Variants in BLTP1 observed in about 807,000 individuals in gnomAD.
BLTP1 encodes fragile site-associated protein.
the BLTP1 span, among the ~76,000 whole-genome samples, chr4:122,359,126 T>C: frequency 3.3e-5 from 5 of 150,940 alleles, no homozygotes; most frequent in Admixed American, 6.6e-5. Context: ...TTAGGAGATA[T>C]ACCTAATGCT....
At chr4:122,249,832 G>T in the BLTP1 span, 19 of 1,398,500 alleles carry the variant, frequency 1.4e-5, no homozygotes, top group South Asian at 2.9e-4. Context: ...GGGGGTGAGT[G>T]CCTCATACCA....
chr4:122,328,074 C>G, the BLTP1 span: 1 of 1,449,326 alleles, frequency 6.9e-7, no homozygotes, highest in Non-Finnish European at 9.2e-7. Context: ...AAATATGAAT[C>G]TGATTCATGT....
At chr4:122,235,688 C>T in the BLTP1 span, 1 of 154,022 alleles carries the variant, frequency 6.5e-6, no homozygotes, top group Non-Finnish European at 1.4e-5. Context: ...GCCTGTAGTC[C>T]CAGCTACTCG....
the BLTP1 span, among the ~76,000 whole-genome samples, chr4:122,156,917 A>G: frequency 2.6e-5 from 4 of 152,172 alleles, no homozygotes; most frequent in African/African-American, 7.2e-5. Context: ...ATTACAGATA[A>G]ATTTGTAGGA....
At chr4:122,355,004 A>T in the BLTP1 span, among the ~76,000 whole-genome samples, 1 of 152,118 alleles carries the variant, frequency 6.6e-6, no homozygotes, top group East Asian at 1.9e-4. Flanking sequence ...ATTAGGCCCC[A>T]TGAGAACAGT....
the BLTP1 span, among the ~76,000 whole-genome samples, chr4:122,156,590 T>C: frequency 6.6e-6 from 1 of 152,222 alleles, no homozygotes; most frequent in Non-Finnish European, 1.5e-5. Context: ...GCAAGAGACA[T>C]GGATGTTGAA....
At chr4:122,214,702 G>A in the BLTP1 span, 1 of 188,768 alleles carries the variant, frequency 5.3e-6, no homozygotes, top group African/African-American at 2.9e-5. Context: ...CTGCAGCCTC[G>A]ACTTCCTGGG....
chr4:122,178,011 T>C, the BLTP1 span: 2 of 593,226 alleles, frequency 3.4e-6, no homozygotes, highest in Non-Finnish European at 2.1e-6. Context: ...AGAAAAATGC[T>C]TAGTACATAG....
the BLTP1 span, among the ~76,000 whole-genome samples, chr4:122,342,617 G>A: frequency 6.6e-6 from 1 of 152,290 alleles, no homozygotes; most frequent in East Asian, 1.9e-4. Flanking sequence ...GCCTCCCAGA[G>A]TGCTGGGATT....
chr4:122,330,210 A>G, the BLTP1 span, among the ~76,000 whole-genome samples: 1 of 151,768 alleles, frequency 6.6e-6, no homozygotes, highest in Non-Finnish European at 1.5e-5. Context: ...TATCTCTTTG[A>G]GATCCCGATT....
chr4:122,262,780 A>G, the BLTP1 span: 2 of 1,601,754 alleles, frequency 1.2e-6, no homozygotes, highest in Non-Finnish European at 8.5e-7. Context: ...CACCCATATC[A>G]TTCTCTGAGC....
chr4:122,312,812 A>C, the BLTP1 span: 2 of 798,164 alleles, frequency 2.5e-6, no homozygotes, highest in Non-Finnish European at 3.0e-6. Flanking sequence ...GCTCAAATTT[A>C]AGTAACATTT....
the BLTP1 span, among the ~76,000 whole-genome samples, chr4:122,240,775 A>C: frequency 6.6e-6 from 1 of 152,228 alleles, no homozygotes; most frequent in African/African-American, 2.4e-5. Context: ...TTCAGTATGA[A>C]TATGGTTATT....
chr4:122,162,511 C>T, the BLTP1 span: 1 of 985,362 alleles, frequency 1.0e-6, no homozygotes, highest in Non-Finnish European at 1.2e-6. Flanking sequence ...TCAACCAGTT[C>T]TTTCCAACTC....
chr4:122,332,083 A>C, the BLTP1 span, among the ~76,000 whole-genome samples: 1 of 151,926 alleles, frequency 6.6e-6, no homozygotes, highest in African/African-American at 2.4e-5. Context: ...TAATCTAAAA[A>C]TGAACTGTAA....
chr4:122,245,168 A>C, the BLTP1 span: 41 of 1,554,336 alleles, frequency 2.6e-5, no homozygotes, highest in East Asian at 9.2e-4. Flanking sequence ...CAATGGGCAT[A>C]GCAAATTGAA....
chr4:122,262,806 A>C, the BLTP1 span: 1 of 1,613,084 alleles, frequency 6.2e-7, no homozygotes, highest in Non-Finnish European at 8.5e-7. Flanking sequence ...CAGTGGAGAC[A>C]CTGCCACTGA....
chr4:122,166,155 A>G, the BLTP1 span, among the ~76,000 whole-genome samples: 7 of 152,240 alleles, frequency 4.6e-5, no homozygotes, highest in South Asian at 2.1e-4. Flanking sequence ...GCCCATGCCT[A>G]TGTCCTGAAT....
chr4:122,197,335 G>A, the BLTP1 span: 2 of 1,212,264 alleles, frequency 1.6e-6, no homozygotes, highest in African/African-American at 1.6e-5. Flanking sequence ...AAATAATAAA[G>A]TTTGTTAATC....
Sources: gnomAD v4.1 joint callset for allele counts (sites outside exome capture counted in the v4.1 genomes callset) on GRCh38, gnomAD v4.1.1 for gene constraint, MANE v1.5 for transcripts, NCBI Gene and HGNC (gene_info 2026-07-23, HGNC 2026-07-21) for gene names.